Variants in FNDC1 observed in about 807,000 individuals in gnomAD.
FNDC1 encodes the protein fibronectin type III domain containing 1.
A neutral mutation model predicts 168.0 loss-of-function variants in FNDC1; 96 were observed. That is an observed-to-expected ratio of 0.57 (90% CI 0.48 to 0.68). FNDC1 has a LOEUF of 0.68. Among genes scored for constraint, FNDC1 ranks in the 30% least tolerant of loss-of-function variants. The pLI is 0.00. For missense variants in FNDC1, 2,587 were observed against 2,482.1 expected (o/e 1.04, Z -0.90); for synonymous variants, 1,099 against 1,025.9 (o/e 1.07, Z -1.36).
At chr6:159,258,586 G>A (rs1431177427) in intron 18 of FNDC1, among the ~76,000 whole-genome samples, 8 of 152,200 alleles carry the variant, frequency 5.3e-5, no homozygotes, top group Non-Finnish European at 8.8e-5. Flanking sequence ...AGTGCCAGGG[G>A]CTCTTGGGTT....
At chr6:159,192,938 C>G (rs1345035967) in intron 1 of FNDC1, among the ~76,000 whole-genome samples, 4 of 152,308 alleles carry the variant, frequency 2.6e-5, no homozygotes, top group Middle Eastern at 3.4e-3. Context: ...TCTAGTTCCT[C>G]TCCAGACTTT....
intron 1 of FNDC1, among the ~76,000 whole-genome samples, chr6:159,181,979 A>T (rs575407355): frequency 1.3e-5 from 2 of 152,192 alleles, no homozygotes; most frequent in African/African-American, 4.8e-5. Context: ...TCCACCCATC[A>T]ATTTCCTTCT....
At chr6:159,216,709 A>C (rs769000805) in intron 5 of FNDC1, among the ~76,000 whole-genome samples, 5 of 152,224 alleles carry the variant, frequency 3.3e-5, no homozygotes, top group African/African-American at 1.2e-4. Context: ...CTGCTTGAGC[A>C]GAGAGCCTAA....
At chr6:159,225,337 C>A (rs1782929124) in intron 7 of FNDC1, among the ~76,000 whole-genome samples, 198 bp from the exon 8 acceptor site, 1 of 149,448 alleles carries the variant, frequency 6.7e-6, no homozygotes, top group African/African-American at 2.4e-5. Context: ...ACACTAAGCT[C>A]TGTTTTTTTC....
In FNDC1 at chr6:159,234,072, T is replaced by A. The variant is rs749087291; in HGVS notation, c.3560T>A (p.Phe1187Tyr). 3.1e-6 allele frequency: 5 copies of A among 1,611,916 alleles called. No individual in the cohort carries two copies. Among genetic ancestry groups the A allele is most frequent in the South Asian group, 1.1e-5 (1 of 90,852 alleles). Residue 1187 changes from phenylalanine to tyrosine, a missense_variant, in exon 11 of 23, where the codon TTT becomes TAT. Physicochemically the swap from Phe to Tyr is conservative, Grantham distance 22 (BLOSUM62 3). Coordinates refer to ENST00000297267, the MANE Select transcript of FNDC1 (RefSeq NM_032532.3). ...AEDDEEEDAGFFKGGKEDLLS... is the reference protein window; with the variant it reads ...AEDDEEEDAGYFKGGKEDLLS... Reference sequence around the variant, plus strand: ...GACGACGAGGAGGAGGACGCGGGATTTTTTAAAGGCGGGAAAGAAGACCTT... The same window carrying A: ...GACGACGAGGAGGAGGACGCGGGATATTTTAAAGGCGGGAAAGAAGACCTT...
intron 17 of FNDC1, among the ~76,000 whole-genome samples, chr6:159,254,360 A>G (rs150382817): frequency 6.6e-6 from 1 of 152,236 alleles, no homozygotes; most frequent in East Asian, 1.9e-4. Flanking sequence ...TTCATCTCAG[A>G]AATGAGTCAT....
rs757043213 is a variant in FNDC1, at chr6:159,225,556, A to G, written c.906A>G (p.Arg302=). The G allele has an allele frequency of 4.4e-5, 71 of 1,613,412 alleles. No homozygotes were observed. Among genetic ancestry groups the G allele is most frequent in the Non-Finnish European group, 5.8e-5 (69 of 1,179,624 alleles). ...ACAGACAGTACACCGTGCGCTATCG[A>G]GAGAAGGGGGAATTGGCCAGGTGGG... ...VASRQYTVRY[R]EKGELARWDY... Residue 302 remains arginine (R), a synonymous_variant, in exon 8 of 23, where the codon CGA becomes CGG. Transcript: ENST00000297267.
In FNDC1 at chr6:159,270,509, G is replaced by A. The variant is rs556335777; in HGVS notation, c.5570-818G>A. On this transcript the variant is annotated intron_variant, in intron 22 of 22. Transcript: ENST00000297267. ...TATTCCATGGTGTCCCTGTGACTGT[G>A]GTCATGGGACTGGCCCTGAACAGAG... Among the ~76,000 whole-genome samples the A allele has an allele frequency of 2.0e-5, 3 of 152,250 alleles. No homozygotes were observed. In the South Asian group the frequency reaches 6.2e-4, roughly 32 times the overall value.
At chr6:159,259,638 A>G (rs1430506027) in intron 18 of FNDC1, among the ~76,000 whole-genome samples, 1 of 152,206 alleles carries the variant, frequency 6.6e-6, no homozygotes, top group African/African-American at 2.4e-5. Context: ...CTGGAAATGT[A>G]TGCCAAACCC....
intron 9 of FNDC1, among the ~76,000 whole-genome samples, chr6:159,227,651 T>TCG (rs1782981243): frequency 6.6e-6 from 1 of 150,956 alleles, no homozygotes; most frequent in African/African-American, 2.4e-5. Flanking sequence ...TTTCTCTTTT[T>TCG]TTTTTTTTTT....
chr6:159,206,648 CG>C lies in FNDC1; in HGVS notation c.460+6073del, dbSNP rs550870305. Among the ~76,000 whole-genome samples the C allele has an allele frequency of 7.2e-3, 1,100 of 152,228 alleles. 4 individuals carry two copies. Among genetic ancestry groups the C allele is most frequent in the Non-Finnish European group, 0.011 (733 of 68,024 alleles). On this transcript the variant is annotated intron_variant, in intron 4 of 22. Transcript: ENST00000297267. ...ACCTCTGTCTAGTTCAATGTTGATT[CG>C]GGGGGTTCTGGGCAAGCCCGTTTGT...
rs759250812 is a variant in FNDC1 at position 159,232,886 on chromosome 6, G to C, written c.2374G>C (p.Gly792Arg). The change falls in exon 11 of 23, where the codon GGC (glycine) becomes CGC (arginine). Residue 792 changes from glycine to arginine, a missense_variant. Gly to Arg is a moderately radical substitution (Grantham distance 125). Transcript: ENST00000297267. The surrounding 1 kb of genome is among the most constrained non-coding windows in gnomAD (Gnocchi z 4.9). ...TTCTGATGGTGAAAGCCACGGTGAC[G>C]GCGATAGGGAAGACGGCGGAAGGCA... is the stretch of plus-strand genomic sequence containing the variant. ...EASDGESHGD[G>R]DREDGGRQAE... 55 of 1,613,102 alleles carry C rather than the reference G, an allele frequency of 3.4e-5. No individual in the cohort carries two copies. Among genetic ancestry groups the C allele is most frequent in the Non-Finnish European group, 4.5e-5 (53 of 1,179,836 alleles).
intron 1 of FNDC1, among the ~76,000 whole-genome samples, chr6:159,181,397 C>G (rs1444279387): frequency 6.6e-6 from 1 of 152,192 alleles, no homozygotes; most frequent in Non-Finnish European, 1.5e-5. Flanking sequence ...TTTGATCAAG[C>G]CTGGCTAGGT....
At chr6:159,256,496 T>G in intron 17 of FNDC1, 27 bp from the exon 18 acceptor site, 2 of 1,545,786 alleles carry the variant, frequency 1.3e-6, no homozygotes, top group Non-Finnish European at 1.8e-6. Context: ...TTGGTGTCCA[T>G]TGGGTTTTTC....
Position 159,233,062 on chromosome 6 carries a change from G to A in FNDC1, c.2550G>A (p.Gln850=), listed in dbSNP as rs78390791. ...GPRLQPSSSP[Q]STVPSRAHPR... ...GGCTGCAGCCCTCCAGCTCCCCACA[G>A]TCGACTGTGCCCTCCCGAGCCCACC... Residue 850 remains glutamine, a synonymous_variant, in exon 11 of 23, where the codon CAG becomes CAA. Transcript: ENST00000297267. This position sits in a 1 kb window ranked among gnomAD's most constrained non-coding sequence, Gnocchi z 4.6. 60 of 1,609,476 alleles carry A rather than the reference G, an allele frequency of 3.7e-5. No individual in the cohort carries two copies. The East Asian group carries it at 1.3e-3, about 35-fold the overall frequency.
At chr6:159,249,757 C>T (rs1777219593) in intron 16 of FNDC1, among the ~76,000 whole-genome samples, 1 of 152,300 alleles carries the variant, frequency 6.6e-6, no homozygotes, top group East Asian at 1.9e-4. Context: ...TTAAGTCTTG[C>T]AAGTCTTCTT....
chr6:159,197,563 T>C lies in FNDC1; in HGVS notation c.242T>C (p.Leu81Pro), dbSNP rs374644872. 13 of 1,613,870 alleles carry C rather than the reference T, an allele frequency of 8.1e-6. No homozygotes were observed. The highest frequency in any genetic ancestry group is 1.0e-5 in the Non-Finnish European group (12 of 1,179,890). The change falls in exon 2 of 23, where the codon CTG (leucine) becomes CCG (proline). Residue 81 changes from leucine to proline, a missense_variant. By Grantham distance (98) the Leu-to-Pro change is moderately conservative. Coordinates refer to ENST00000297267, the MANE Select transcript of FNDC1 (RefSeq NM_032532.3). Reference protein sequence around the residue: ...EHYNIAYGKSLKSLKYIKVNA... With the variant: ...EHYNIAYGKSPKSLKYIKVNA... ...TACAACATTGCCTATGGGAAGTCAC[T>C]GAAAAGTCTTAAATACATCAAGGTG...
intron 1 of FNDC1, among the ~76,000 whole-genome samples, chr6:159,174,910 C>A (rs916549282): frequency 2.6e-5 from 4 of 152,020 alleles, no homozygotes; most frequent in African/African-American, 9.7e-5. Context: ...CTCCCTTCCA[C>A]CACCAATGTT....
intron 7 of FNDC1, among the ~76,000 whole-genome samples, chr6:159,224,459 G>A (rs1782909509): frequency 6.6e-6 from 1 of 152,070 alleles, no homozygotes; most frequent in South Asian, 2.1e-4. Context: ...AGTTTAAAAC[G>A]AATGGGATAT....
Sources: allele counts gnomAD v4.1 joint callset (sites outside exome capture counted in the v4.1 genomes callset), GRCh38; gene constraint gnomAD v4.1.1; non-coding constraint Gnocchi (gnomAD v3.1); transcripts MANE v1.5; gene names NCBI Gene and HGNC (gene_info 2026-07-23, HGNC 2026-07-21).